Variants in EXT2 observed in about 807,000 individuals in gnomAD.
EXT2 encodes the protein exostosin-2.
In EXT2, 53 loss-of-function variants were observed where a neutral mutation model predicts 81.6. The observed-to-expected ratio is 0.65, with a 90% CI of 0.52 to 0.82. The LOEUF is 0.82. EXT2 is among the 40% of genes least tolerant of loss of function. EXT2 has a pLI of 0.00. For missense variants in EXT2, 774 were observed against 910.2 expected (o/e 0.85, Z 1.93); for synonymous variants, 320 against 340.0 (o/e 0.94, Z 0.65).
chr11:44,116,630 G>A (rs1363927742), intron 4 of EXT2: 1 of 152,186 alleles, frequency 6.6e-6, no homozygotes, highest in Middle Eastern at 3.2e-3. Flanking sequence ...CACCAGCCAT[G>A]TATGAGGGTT....
chr11:44,112,164 G>A (rs774129678), intron 3 of EXT2, among the ~76,000 whole-genome samples: 7 of 152,190 alleles, frequency 4.6e-5, no homozygotes, highest in Non-Finnish European at 8.8e-5. Context: ...TTTAGGCACT[G>A]CGAATACTTA....
intron 10 of EXT2, among the ~76,000 whole-genome samples, chr11:44,229,912 T>G (rs938546306): frequency 1.3e-5 from 2 of 152,236 alleles, no homozygotes; most frequent in Non-Finnish European, 2.9e-5. Flanking sequence ...CTGTTCTTTG[T>G]GCGTGGAATA....
intron 4 of EXT2, among the ~76,000 whole-genome samples, chr11:44,118,007 CT>C (rs756766667): frequency 3.4e-4 from 52 of 152,312 alleles, no homozygotes; most frequent in Admixed American, 2.3e-3. Flanking sequence ...TATTCAGGTC[CT>C]TTGCATTTTA....
intron 1 of EXT2, chr11:44,096,341 C>A (rs773135572): frequency 6.5e-7 from 1 of 1,534,192 alleles, no homozygotes; most frequent in Non-Finnish European, 8.7e-7. Flanking sequence ...GGGCCAGGGG[C>A]ATGTTATGCC....
chr11:44,178,775 C>CT (rs1955193652), intron 8 of EXT2, among the ~76,000 whole-genome samples: 1 of 150,238 alleles, frequency 6.7e-6, no homozygotes, highest in South Asian at 2.1e-4. Context: ...TTCTCTCCAT[C>CT]TTCCTCCTAC....
chr11:44,235,325 C>G (rs1021285364), intron 12 of EXT2, among the ~76,000 whole-genome samples: 3 of 147,880 alleles, frequency 2.0e-5, no homozygotes, highest in Non-Finnish European at 4.4e-5. Context: ...GCCTCTGCCT[C>G]CTGGGTTCAA....
At chr11:44,110,224 C>T (rs914030594) in intron 3 of EXT2, among the ~76,000 whole-genome samples, 2 of 152,140 alleles carry the variant, frequency 1.3e-5, no homozygotes, top group Non-Finnish European at 2.9e-5. Flanking sequence ...TTATGAAAAT[C>T]GACACTTAGT....
chr11:44,125,110 A>G (rs1485909096), intron 5 of EXT2, 126 bp downstream of exon 5: 2 of 881,410 alleles, frequency 2.3e-6, no homozygotes, highest in South Asian at 1.4e-5. Context: ...AAGAAAACAT[A>G]GCATTGCTCT....
chr11:44,177,944 A>G (rs1191493182), intron 8 of EXT2, among the ~76,000 whole-genome samples: 1 of 152,204 alleles, frequency 6.6e-6, no homozygotes, highest in Non-Finnish European at 1.5e-5. Flanking sequence ...TTTCTATGAA[A>G]TCTAGCCAGA....
At chr11:44,119,124 T>TCATA (rs1555004227) in intron 4 of EXT2, among the ~76,000 whole-genome samples, 33 of 25,654 alleles carry the variant, frequency 1.3e-3, no homozygotes, top group African/African-American at 2.4e-3. Flanking sequence ...ATTTGGCTAT[T>TCATA]TATATATATA....
In EXT2 at chr11:44,250,910, C is replaced by T. The variant is rs951100358; in HGVS notation, c.*6623C>T. On this transcript the variant is annotated 3_prime_UTR_variant, in exon 14 of 14. Coordinates refer to ENST00000533608, the MANE Select transcript of EXT2 (RefSeq NM_207122.2). ...ATGTTTCTCATTAAGGGGATAACAG[C>T]CACAATTGAGGTAATTAACGAAAAT... Among the ~76,000 whole-genome samples the T allele has an allele frequency of 1.3e-4, 20 of 152,210 alleles. No homozygotes were observed. Among genetic ancestry groups the T allele is most frequent in the African/African-American group, 4.8e-4 (20 of 41,450 alleles).
chr11:44,197,288 C>T (rs537189215), intron 8 of EXT2, among the ~76,000 whole-genome samples: 8 of 152,228 alleles, frequency 5.3e-5, no homozygotes, highest in African/African-American at 1.7e-4. Context: ...CTTACCGCTT[C>T]TCTTACCTCA....
At chr11:44,165,005 A>G (rs1954975553) in intron 7 of EXT2, among the ~76,000 whole-genome samples, 1 of 151,430 alleles carries the variant, frequency 6.6e-6, no homozygotes, top group Non-Finnish European at 1.5e-5. Context: ...CAGCCTCCCA[A>G]GTAGCTGGGA....
At chr11:44,213,680 A>G (rs1359691401) in intron 10 of EXT2, among the ~76,000 whole-genome samples, 1 of 152,214 alleles carries the variant, frequency 6.6e-6, no homozygotes, top group African/African-American at 2.4e-5. Context: ...TCCAGTGTGA[A>G]CAACAGAGAA....
chr11:44,096,247 A>T (rs1195209862), intron 1 of EXT2: 2 of 1,535,276 alleles, frequency 1.3e-6, no homozygotes, highest in Non-Finnish European at 1.7e-6. Context: ...GATTCCTCCC[A>T]GGGGGATGTC....
chr11:44,135,441 GAGTGC>G (rs1453222649), intron 7 of EXT2, among the ~76,000 whole-genome samples: 1 of 149,596 alleles, frequency 6.7e-6, no homozygotes, highest in Non-Finnish European at 1.5e-5. Flanking sequence ...ACCCAGGCTG[GAGTGC>G]AGTGGTGCGA....
intron 1 of EXT2, chr11:44,104,892 A>G (rs1954033502): frequency 6.6e-6 from 1 of 152,242 alleles, no homozygotes; most frequent in African/African-American, 2.4e-5. Flanking sequence ...TCATAGAACA[A>G]TTAGAATATA....
chr11:44,106,687 T>A (rs1391927537), intron 1 of EXT2, among the ~76,000 whole-genome samples: 2 of 152,190 alleles, frequency 1.3e-5, no homozygotes, highest in Non-Finnish European at 2.9e-5. Context: ...TGGAGTGCAG[T>A]GGCACGATCT....
chr11:44,144,155 G>C, intron 7 of EXT2: 1 of 1,085,018 alleles, frequency 9.2e-7, no homozygotes, highest in African/African-American at 1.5e-5. Flanking sequence ...GCCCCAGGCA[G>C]ATTCCTTTAT....
Sources: allele counts gnomAD v4.1 joint callset (sites outside exome capture counted in the v4.1 genomes callset), GRCh38; gene constraint gnomAD v4.1.1; transcripts MANE v1.5; gene names NCBI Gene and HGNC (gene_info 2026-07-23, HGNC 2026-07-21).